The following EPB41L4A variants were observed in gnomAD, a reference collection of about 807,000 sequenced individuals.
EPB41L4A encodes the protein band 4.1-like protein 4A.
EPB41L4A carries 100 observed loss-of-function variants against 108.6 expected under a neutral mutation model. The ratio of observed to expected loss-of-function variants is 0.92; its 90% confidence interval spans 0.78 to 1.09. The LOEUF (loss-of-function observed/expected upper bound fraction) is 1.09. Among genes scored for constraint, EPB41L4A ranks in the 50% least tolerant of loss-of-function variants. The probability of loss-of-function intolerance (pLI) is 0.00; values close to 1 mark genes in which losing one functional copy is unlikely to be tolerated. For synonymous variants in EPB41L4A, 319 were observed against 289.0 expected (o/e 1.10, Z -1.05); for missense variants, 1,030 against 842.7 (o/e 1.22, Z -2.75).
chr5:112,408,469 C>T (rs964986006), intron 1 of EPB41L4A, among the ~76,000 whole-genome samples: 1 of 151,794 alleles, frequency 6.6e-6, no homozygotes, highest in Admixed American at 6.6e-5. Context: ...AAGGAACTTG[C>T]ATTCAGAATT....
intron 6 of EPB41L4A, chr5:112,264,643 G>A: frequency 3.6e-6 from 1 of 274,392 alleles, no homozygotes; most frequent in Admixed American, 5.2e-5. Flanking sequence ...TACATACAAA[G>A]AGATGTCTGA....
At chr5:112,212,219 G>A (rs1277172765) in intron 12 of EPB41L4A, among the ~76,000 whole-genome samples, 5 of 152,096 alleles carry the variant, frequency 3.3e-5, no homozygotes, top group Admixed American at 6.5e-5. Context: ...TGTGGTACAC[G>A]TCTGGGGCAG....
chr5:112,289,896 T>G (rs539569585), intron 2 of EPB41L4A, among the ~76,000 whole-genome samples: 9 of 152,258 alleles, frequency 5.9e-5, no homozygotes, highest in African/African-American at 2.2e-4. Context: ...CAACAAAGAG[T>G]AACTGGAGCA....
intron 13 of EPB41L4A, among the ~76,000 whole-genome samples, chr5:112,207,816 T>C (rs1033053028): frequency 1.2e-4 from 18 of 152,066 alleles, no homozygotes; most frequent in Admixed American, 3.9e-4. Context: ...TTTTACACTG[T>C]TGGGGGAAAT....
intron 17 of EPB41L4A, among the ~76,000 whole-genome samples, chr5:112,185,208 G>A (rs1003603167): frequency 9.2e-5 from 14 of 151,944 alleles, no homozygotes; most frequent in Middle Eastern, 3.2e-3. Context: ...TATACAGAGC[G>A]GCATGGAATT....
At chr5:112,203,215 G>T (rs1386799110) in intron 15 of EPB41L4A, among the ~76,000 whole-genome samples, 1 of 152,070 alleles carries the variant, frequency 6.6e-6, no homozygotes, top group Non-Finnish European at 1.5e-5. Flanking sequence ...AATTAGCCGG[G>T]CCTGATGGCG....
chr5:112,353,251 GTGAACCAAGCATGTCTTTGGACACC>G (rs1758159108), intron 1 of EPB41L4A, among the ~76,000 whole-genome samples: 1 of 151,804 alleles, frequency 6.6e-6, no homozygotes, highest in African/African-American at 2.4e-5. Context: ...GAACCAAGCA[GTGAACCAAGCATGTCTTTGGACACC>G]TGGGTGGCAT....
intron 2 of EPB41L4A, among the ~76,000 whole-genome samples, chr5:112,284,956 T>C (rs979316217): frequency 1.3e-5 from 2 of 152,206 alleles, no homozygotes; most frequent in African/African-American, 4.8e-5. Context: ...GTTCTGAAAC[T>C]CTAATAGTGC....
intron 9 of EPB41L4A, among the ~76,000 whole-genome samples, chr5:112,251,729 C>G (rs1750687366): frequency 6.6e-6 from 1 of 152,058 alleles, no homozygotes. Flanking sequence ...AGTTAACCTT[C>G]TACATATTAA....
Position 112,275,310 on chromosome 5 carries a change from A to C in EPB41L4A, c.335+16T>G, listed in dbSNP as rs1469030912. ...GCAATGCATGTATCTGTTCAAAAAC[A>C]AAGTCAATACTATACCTGGTTATTT... On this transcript the variant is annotated intron_variant, in intron 4 of 22. Transcript: ENST00000261486. 2 of 1,532,740 alleles carry C rather than the reference A, an allele frequency of 1.3e-6. No homozygotes were observed. The highest frequency in any genetic ancestry group is 2.5e-5 in the South Asian group (2 of 80,980). The allele number at this position is 1,532,740 out of a possible 1,614,324, so 94.9% of individuals were successfully genotyped here. A position where few individuals can be genotyped will look rare whatever the true frequency, so the allele number is the denominator to read the frequency against.
intron 1 of EPB41L4A, among the ~76,000 whole-genome samples, chr5:112,396,622 C>T (rs1761371151): frequency 6.6e-6 from 1 of 152,168 alleles, no homozygotes; most frequent in Non-Finnish European, 1.5e-5. Flanking sequence ...GGGTCAAATT[C>T]CAAAGTAGTC....
intron 12 of EPB41L4A, among the ~76,000 whole-genome samples, chr5:112,232,375 T>C (rs1445677509): frequency 5.3e-5 from 8 of 152,226 alleles, no homozygotes; most frequent in African/African-American, 1.9e-4. Context: ...TTAGCCAAAC[T>C]GCCTTTCACG....
chr5:112,180,417 G>T (rs1005632962), intron 18 of EPB41L4A, among the ~76,000 whole-genome samples: 1 of 152,070 alleles, frequency 6.6e-6, no homozygotes, highest in African/African-American at 2.4e-5. Context: ...GCCCACATGT[G>T]AGCAGTCAAT....
chr5:112,238,695 T>C (rs934277121), intron 11 of EPB41L4A, among the ~76,000 whole-genome samples: 6 of 152,152 alleles, frequency 3.9e-5, no homozygotes, highest in Admixed American at 2.6e-4. Context: ...CCCACCCTGC[T>C]TGGGTTTTAC....
chr5:112,332,921 C>A (rs1351584066), intron 1 of EPB41L4A, among the ~76,000 whole-genome samples: 2 of 152,110 alleles, frequency 1.3e-5, no homozygotes, highest in African/African-American at 4.8e-5. Context: ...GACATTAGTG[C>A]CCAAGGTTTG....
At chr5:112,410,520 G>A (rs1295000802) in intron 1 of EPB41L4A, among the ~76,000 whole-genome samples, 30 of 152,084 alleles carry the variant, frequency 2.0e-4, no homozygotes. Context: ...TTAGGAGGTG[G>A]GAATTCCAAG....
chr5:112,164,926 C>T lies in EPB41L4A; in HGVS notation c.*64G>A. The T allele has an allele frequency of 6.9e-6, 10 of 1,443,878 alleles. No individual in the cohort carries two copies. The highest frequency in any genetic ancestry group is 8.3e-6 in the Non-Finnish European group (9 of 1,087,224). 89.4% of individuals were successfully genotyped at this position (1,443,878 alleles called of 1,614,324 possible). On this transcript the variant is annotated 3_prime_UTR_variant, in exon 23 of 23. Coordinates refer to ENST00000261486, the MANE Select transcript of EPB41L4A (RefSeq NM_022140.5). ...GATTTGAATTAAGATACCTATTTCA[C>T]AGTTTCAAAAGTACCAGTGGCGCAC...
At chr5:112,407,871 C>T (rs1353475663) in intron 1 of EPB41L4A, among the ~76,000 whole-genome samples, 1 of 152,202 alleles carries the variant, frequency 6.6e-6, no homozygotes, top group East Asian at 1.9e-4. Context: ...CACCACGTGC[C>T]TGGCATTCTT....
chr5:112,266,786 A>G (rs1306443035), intron 4 of EPB41L4A, among the ~76,000 whole-genome samples: 2 of 152,236 alleles, frequency 1.3e-5, no homozygotes, highest in East Asian at 3.8e-4. Flanking sequence ...CCTATATTAC[A>G]TAACACTCTG....
Sources: gnomAD v4.1 joint callset for allele counts (sites outside exome capture counted in the v4.1 genomes callset) on GRCh38, gnomAD v4.1.1 for gene constraint, MANE v1.5 for transcripts, NCBI Gene and HGNC (gene_info 2026-07-23, HGNC 2026-07-21) for gene names.